The following ELOA variants were observed in gnomAD, a reference collection of about 807,000 sequenced individuals.
ELOA encodes the protein elongin A, also known as elongin-A.
A neutral mutation model predicts 85.2 loss-of-function variants in ELOA; 15 were observed. The observed-to-expected ratio is 0.18, with a 90% CI of 0.12 to 0.27. The LOEUF is 0.27. Ranked by LOEUF, ELOA falls within the 10% of genes least tolerant of loss-of-function variation. The probability of loss-of-function intolerance (pLI) is 1.00; values close to 1 mark genes in which losing one functional copy is unlikely to be tolerated. For missense variants in ELOA, 769 were observed against 952.7 expected (o/e 0.81, Z 2.54); for synonymous variants, 348 against 357.2 (o/e 0.97, Z 0.29).
At chr1:23,755,681 G>A (rs1398425180) in intron 7 of ELOA, among the ~76,000 whole-genome samples, 162 bp from the exon 8 acceptor site, 1 of 151,786 alleles carries the variant, frequency 6.6e-6, no homozygotes, top group Non-Finnish European at 1.5e-5. Context: ...TTGAGAGGCT[G>A]AGGCGTGAGA....
At chr1:23,753,546 GACT>G (rs1366004947) in intron 5 of ELOA, among the ~76,000 whole-genome samples, 18 of 151,652 alleles carry the variant, frequency 1.2e-4, no homozygotes, top group Non-Finnish European at 2.7e-4. Context: ...ATCAGCAGGA[GACT>G]AACAGATAAA....
Position 23,755,983 on chromosome 1 carries a change from A to G in ELOA, c.1932A>G (p.Leu644=). The change falls in exon 8 of 11, where the codon CTA becomes CTG. Residue 644 remains leucine, a synonymous_variant. Transcript: ENST00000613537. ...CCCGAGAGCAGCGGCTACGAGTACT[A>G]ACAAAGAATATCCAGTTCGCACATG... The part of the protein sequence containing the change: ...QDAREQRLRV[L]TKNIQFAHAN... 4.3e-6 allele frequency: 7 copies of G among 1,613,872 alleles called. No homozygotes were observed. Among genetic ancestry groups the G allele is most frequent in the Non-Finnish European group, 5.9e-6 (7 of 1,179,964 alleles).
intron 9 of ELOA, 99 bp downstream of exon 9, chr1:23,756,484 GCAGA>G: frequency 1.9e-6 from 2 of 1,037,588 alleles, no homozygotes; most frequent in Non-Finnish European, 2.9e-6. Flanking sequence ...GTGAGGCAGT[GCAGA>G]CTGTGGGCTC....
intron 10 of ELOA, among the ~76,000 whole-genome samples, chr1:23,757,703 G>A (rs957376853): frequency 2.0e-5 from 3 of 151,496 alleles, no homozygotes; most frequent in African/African-American, 7.3e-5. Flanking sequence ...GTTTCACCAT[G>A]TTAGCCAGGA....
intron 3 of ELOA, 56 bp from the exon 4 acceptor site, chr1:23,750,789 T>C: frequency 6.8e-7 from 1 of 1,467,928 alleles, no homozygotes; most frequent in Non-Finnish European, 9.1e-7. Flanking sequence ...TCTGTGACTT[T>C]GTCCCTCAAG....
chr1:23,750,716 A>T (rs1557453332), intron 3 of ELOA, 129 bp from the exon 4 acceptor site: 7 of 895,432 alleles, frequency 7.8e-6, no homozygotes, highest in Non-Finnish European at 1.1e-5. Context: ...TAACCTACTT[A>T]TCTTCTTCTT....
chr1:23,752,155 G>A, intron 4 of ELOA, 125 bp downstream of exon 4: 1 of 1,015,348 alleles, frequency 9.8e-7, no homozygotes. Context: ...TCAGTGTGCA[G>A]TAATTTCCTC....
At position 23,761,981 on chromosome 1, in the gene ELOA, T is replaced by C. The variant is rs956799767; in HGVS notation, c.*2408T>C. The C allele has an allele frequency of 2.0e-5, 3 of 152,180 alleles. No individual in the cohort carries two copies. Among genetic ancestry groups the C allele is most frequent in the African/African-American group, 7.2e-5 (3 of 41,440 alleles). The allele number at this position is 152,180 out of a possible 1,614,324, so 9.4% of individuals were successfully genotyped here. A position where few individuals can be genotyped will look rare whatever the true frequency, so the allele number is the denominator to read the frequency against. ...AATTTTCTATGTTACTTTTTTGTGGTAACTACCGAGATGAATATTTTAATT... is the reference window on the plus strand; with the variant it reads ...AATTTTCTATGTTACTTTTTTGTGGCAACTACCGAGATGAATATTTTAATT... On this transcript the variant is annotated 3_prime_UTR_variant, in exon 11 of 11. Transcript: ENST00000613537.
rs866297201 is a variant in ELOA, at chr1:23,750,943, A to G, written c.338A>G (p.Gln113Arg). The part of the protein sequence containing the change: ...QKEEEMEGDY[Q>R]ETWKATGSRS... Reference sequence around the variant, plus strand: ...GAGGAGGAGATGGAGGGGGACTACCAAGAAACCTGGAAAGCCACGGGGAGC... The same window carrying G: ...GAGGAGGAGATGGAGGGGGACTACCGAGAAACCTGGAAAGCCACGGGGAGC... Residue 113 changes from glutamine (Q) to arginine (R), a missense_variant, in exon 4 of 11, where the codon CAA (glutamine) becomes CGA (arginine). Coordinates refer to ENST00000613537, the MANE Select transcript of ELOA (RefSeq NM_003198.3). 3 of 1,613,962 alleles carry G rather than the reference A, an allele frequency of 1.9e-6. No homozygotes were observed. The African/African-American group carries it at 4.0e-5, about 22-fold the overall frequency.
At chr1:23,755,398 T>C (rs75614873) in intron 7 of ELOA, among the ~76,000 whole-genome samples, 1 of 152,198 alleles carries the variant, frequency 6.6e-6, no homozygotes, top group African/African-American at 2.4e-5. Flanking sequence ...GTTATTTTTT[T>C]CCTAGAATTG....
chr1:23,755,194 C>T (rs1292427965), intron 7 of ELOA, among the ~76,000 whole-genome samples: 2 of 152,102 alleles, frequency 1.3e-5, no homozygotes, highest in African/African-American at 4.8e-5. Context: ...TAACATCCTT[C>T]TTAGGTTGCC....
At chr1:23,753,995 G>A (rs1025370275) in intron 5 of ELOA, 105 bp from the exon 6 acceptor site, 1 of 1,384,514 alleles carries the variant, frequency 7.2e-7, no homozygotes, top group Non-Finnish European at 9.8e-7. Flanking sequence ...ACAAAAATCT[G>A]TAGCGTGGAT....
At position 23,743,480 on chromosome 1, in the gene ELOA, G is replaced by T. The variant is rs1570587965; in HGVS notation, c.-24G>T. 3 of 1,502,722 alleles carry T rather than the reference G, an allele frequency of 2.0e-6. No homozygotes were observed. In the East Asian group the frequency reaches 8.4e-5, roughly 42 times the overall value. 93.1% of individuals were successfully genotyped at this position (1,502,722 alleles called of 1,614,324 possible). A position where few individuals can be genotyped will look rare whatever the true frequency, so the allele number is the denominator to read the frequency against. On this transcript the variant is annotated 5_prime_UTR_variant, in exon 1 of 11. Transcript: ENST00000613537. ...GACGCGACGCGAGCCCAGTTCCGGC[G>T]AGGAGGCCGCGCCAGTGACAGCGAT...
intron 5 of ELOA, 91 bp from the exon 6 acceptor site, chr1:23,754,009 C>T (rs549180033): frequency 1.4e-6 from 2 of 1,478,064 alleles, no homozygotes; most frequent in South Asian, 1.3e-5. Context: ...CGTGGATTGC[C>T]ATTGGGAAAG....
At position 23,751,291 on chromosome 1, in the gene ELOA, A is replaced by G. The variant is rs773043646; in HGVS notation, c.686A>G (p.His229Arg). ...AGACTCGGGGCCAGCCAAGAACGAC[A>G]CCTGGGTGAACCCCATGGGAAAGGG... ...QDRLGASQER[H>R]LGEPHGKGVV... The change falls in exon 4 of 11, where the codon CAC (histidine) becomes CGC (arginine). Residue 229 changes from histidine (H) to arginine (R), a missense_variant. Physicochemically the swap from His to Arg is conservative, Grantham distance 29 (BLOSUM62 0). Around this residue, in one of 4 missense-constraint regions of ELOA, gnomAD observed 440 missense variants for 474.0 expected, o/e 0.93. Coordinates refer to ENST00000613537, the MANE Select transcript of ELOA (RefSeq NM_003198.3). 12 of 1,614,076 alleles carry G rather than the reference A, an allele frequency of 7.4e-6. No individual in the cohort carries two copies. Among genetic ancestry groups the G allele is most frequent in the Non-Finnish European group, 1.0e-5 (12 of 1,180,044 alleles).
At chr1:23,754,601 G>A in intron 7 of ELOA, 141 bp downstream of exon 7, 2 of 691,170 alleles carry the variant, frequency 2.9e-6, no homozygotes, top group African/African-American at 1.8e-5. Context: ...TTTGCCACTG[G>A]GCCTTTAAAC....
At chr1:23,752,708 C>T (rs990023317) in intron 5 of ELOA, among the ~76,000 whole-genome samples, 190 bp downstream of exon 5, 13 of 151,726 alleles carry the variant, frequency 8.6e-5, no homozygotes, top group South Asian at 6.2e-4. Flanking sequence ...TTTGGGAGGC[C>T]GAGGCGGGCA....
intron 1 of ELOA, among the ~76,000 whole-genome samples, chr1:23,746,530 C>A (rs1301642213): frequency 6.7e-6 from 1 of 149,876 alleles, no homozygotes; most frequent in Non-Finnish European, 1.5e-5. Context: ...TCTCTTGAAC[C>A]CAGGAGGCGG....
rs1644771226 is a variant in ELOA, at chr1:23,751,541, G to A, written c.936G>A (p.Lys312=). The change falls in exon 4 of 11, where the codon AAG becomes AAA. Residue 312 remains lysine (K), a synonymous_variant. Coordinates refer to ENST00000613537, the MANE Select transcript of ELOA (RefSeq NM_003198.3). The part of the protein sequence containing the change: ...KDREGSSLKK[K]CLPPSEAASD... Reference sequence around the variant, plus strand: ...GAGAGGGCAGCAGCCTGAAGAAGAAGTGTTTGCCTCCCTCAGAGGCCGCTT... The same window carrying A: ...GAGAGGGCAGCAGCCTGAAGAAGAAATGTTTGCCTCCCTCAGAGGCCGCTT... 1 of 1,614,142 alleles carries A rather than the reference G, an allele frequency of 6.2e-7. No individual in the cohort carries two copies.
Sources: allele counts gnomAD v4.1 joint callset (sites outside exome capture counted in the v4.1 genomes callset), GRCh38; gene constraint gnomAD v4.1.1; regional missense constraint gnomAD v4.1.1; transcripts MANE v1.5; gene names NCBI Gene and HGNC (gene_info 2026-07-23, HGNC 2026-07-21).